Variants in RNF135 observed in about 807,000 individuals in gnomAD.
RNF135 encodes E3 ubiquitin-protein ligase RNF135.
In RNF135, 46 loss-of-function variants were observed where a neutral mutation model predicts 41.9. The observed-to-expected ratio is 1.10, with a 90% CI of 0.87 to 1.40. The LOEUF is 1.40. Ranked by LOEUF, RNF135 falls within the 40% of genes most tolerant of loss-of-function variation. The pLI, the probability that RNF135 is intolerant of heterozygous loss-of-function variation, is 0.00. For synonymous variants in RNF135, 238 were observed against 223.8 expected, an observed-to-expected ratio of 1.06 and a Z score of -0.57; for missense variants, 539 against 549.8, an observed-to-expected ratio of 0.98 and a Z score of 0.20.
At chr17:30,975,013 T>C (rs1326464648) in intron 1 of RNF135, among the ~76,000 whole-genome samples, 1 of 151,716 alleles carries the variant, frequency 6.6e-6, no homozygotes, top group Non-Finnish European at 1.5e-5. Context: ...TTCAGGCAGA[T>C]TGTCATGGCT....
chr17:30,963,372 G>A, the RNF135 span, among the ~76,000 whole-genome samples: 1 of 151,896 alleles, frequency 6.6e-6, no homozygotes, highest in African/African-American at 2.4e-5. Context: ...CACGACGTCA[G>A]GAGATCGAGA....
rs1851444804 is a variant in RNF135, at chr17:30,999,362, C to T, written c.*171C>T. On this transcript the variant is annotated 3_prime_UTR_variant, in exon 5 of 5. Transcript: ENST00000328381. ...TTCCTGGTCTCAAGCAGTCCTCCCA[C>T]CTCAGCCTCCCAAGGTGCTGGGATT... is the stretch of plus-strand genomic sequence containing the variant. The T allele has an allele frequency of 5.8e-6, 4 of 694,276 alleles. No homozygotes were observed. The highest frequency in any genetic ancestry group is 2.2e-5 in the Admixed American group (1 of 44,628). The allele number at this position is 694,276 out of a possible 1,614,324, so 43.0% of individuals were successfully genotyped here. A position where few individuals can be genotyped will look rare whatever the true frequency, so the allele number is the denominator to read the frequency against.
chr17:30,974,236 C>T (rs1598077523), intron 1 of RNF135, among the ~76,000 whole-genome samples: 1 of 152,094 alleles, frequency 6.6e-6, no homozygotes. Flanking sequence ...TCTGTACATT[C>T]CATTTTATTC....
chr17:30,979,831 G>A (rs1369306147), intron 1 of RNF135, among the ~76,000 whole-genome samples: 6 of 132,686 alleles, frequency 4.5e-5, no homozygotes, highest in African/African-American at 8.7e-5. Flanking sequence ...CCTCCCTCCC[G>A]GATGGGGCGG....
chr17:30,980,494 G>A (rs1368438716), intron 1 of RNF135, among the ~76,000 whole-genome samples: 4 of 128,532 alleles, frequency 3.1e-5, no homozygotes, highest in African/African-American at 5.7e-5. Flanking sequence ...CTGGCCGGGC[G>A]GGGGGCTGAC....
At chr17:30,981,371 G>GGAGAGGGAGAGC (rs1907143518) in intron 1 of RNF135, among the ~76,000 whole-genome samples, 1 of 151,750 alleles carries the variant, frequency 6.6e-6, no homozygotes, top group Non-Finnish European at 1.5e-5. Flanking sequence ...AGAGGGAGAG[G>GGAGAGGGAGAGC]GAGAGCGTGG....
intron 3 of RNF135, among the ~76,000 whole-genome samples, chr17:30,996,925 A>G (rs1483472555): frequency 1.3e-5 from 2 of 152,182 alleles, no homozygotes; most frequent in Non-Finnish European, 2.9e-5. Context: ...ATTTTATTTC[A>G]TGAGTGTGCA....
upstream of RNF135, chr17:30,970,425 A>G (rs7221238): frequency 0.13 from 20,503 of 152,716 alleles, 4,281 homozygotes; most frequent in African/African-American, 0.45. Context: ...CCTGCGAGTT[A>G]AAAAGCCAAG....
intron 1 of RNF135, among the ~76,000 whole-genome samples, chr17:30,974,597 T>G (rs1435423896): frequency 6.6e-6 from 1 of 151,820 alleles, no homozygotes; most frequent in Non-Finnish European, 1.5e-5. Context: ...GTGATTTTTT[T>G]TTTTGTAGTT....
intron 3 of RNF135, among the ~76,000 whole-genome samples, chr17:30,989,528 C>G (rs1375656115): frequency 6.6e-6 from 1 of 152,188 alleles, no homozygotes; most frequent in Non-Finnish European, 1.5e-5. Flanking sequence ...TGAAAAATAA[C>G]TAACACCTTC....
At chr17:30,977,869 T>G (rs539624890) in intron 1 of RNF135, among the ~76,000 whole-genome samples, 2 of 152,332 alleles carry the variant, frequency 1.3e-5, no homozygotes, top group African/African-American at 4.8e-5. Flanking sequence ...GCGCCTGGCC[T>G]TCTTTTCTTT....
rs954804589 is a variant in RNF135 at position 30,971,208 on chromosome 17, G to C, written c.135G>C (p.Leu45=). 3 of 1,522,194 alleles carry C rather than the reference G, an allele frequency of 2.0e-6. No homozygotes were observed. In the African/African-American group the frequency reaches 4.3e-5, roughly 22 times the overall value. The allele number at this position is 1,522,194 out of a possible 1,614,324, so 94.3% of individuals were successfully genotyped here. Residue 45 remains leucine (L), a synonymous_variant, in exon 1 of 5, where the codon CTG becomes CTC. Coordinates refer to ENST00000328381, the MANE Select transcript of RNF135 (RefSeq NM_032322.4). ...PCGHSFCRHC[L]EALWGARDAR... is the part of the protein sequence containing the mutation. ...GCCACAGCTTCTGCCGCCACTGCCT[G>C]GAGGCCCTGTGGGGCGCCCGCGACG... is the stretch of plus-strand genomic sequence containing the variant.
intron 1 of RNF135, among the ~76,000 whole-genome samples, chr17:30,983,353 ATTTTTTT>A (rs1192298651): frequency 5.6e-5 from 2 of 35,744 alleles, no homozygotes; most frequent in Non-Finnish European, 1.1e-4. Flanking sequence ...ATATATATAT[ATTTTTTT>A]TTTTTTTTTT....
At chr17:30,967,206 T>G (rs1437858091), upstream of RNF135, among the ~76,000 whole-genome samples, 2 of 152,082 alleles carry the variant, frequency 1.3e-5, no homozygotes, top group East Asian at 3.9e-4. Flanking sequence ...TTTTTGTATT[T>G]TTTGGTAGAG....
chr17:30,964,067 C>G, the RNF135 span, among the ~76,000 whole-genome samples: 1 of 152,018 alleles, frequency 6.6e-6, no homozygotes, highest in South Asian at 2.1e-4. Context: ...CGTCCCTTGA[C>G]AAAAAGTGCT....
chr17:30,996,118 TCTCA>T (rs1908339774), intron 3 of RNF135, among the ~76,000 whole-genome samples: 1 of 127,560 alleles, frequency 7.8e-6, no homozygotes, highest in African/African-American at 3.1e-5. Context: ...TGAGATGGAG[TCTCA>T]CTCTGTTTCC....
intron 1 of RNF135, among the ~76,000 whole-genome samples, chr17:30,982,266 G>A (rs1259192671): frequency 6.6e-6 from 1 of 152,226 alleles, no homozygotes; most frequent in Non-Finnish European, 1.5e-5. Flanking sequence ...GCCCACAGTG[G>A]AGAGGCTTGC....
At chr17:30,979,683 C>T (rs1906858454) in intron 1 of RNF135, among the ~76,000 whole-genome samples, 6 of 136,372 alleles carry the variant, frequency 4.4e-5, no homozygotes, top group South Asian at 2.3e-4. Context: ...ACCTCCCTCC[C>T]GGACGGGGCG....
intron 3 of RNF135, among the ~76,000 whole-genome samples, chr17:30,992,541 C>T (rs1908056619): frequency 6.6e-6 from 1 of 152,014 alleles, no homozygotes; most frequent in Non-Finnish European, 1.5e-5. Context: ...TCATGGCTCA[C>T]CCCAGCCTTG....
Sources: gnomAD v4.1 joint callset for allele counts (sites outside exome capture counted in the v4.1 genomes callset) on GRCh38, gnomAD v4.1.1 for gene constraint, MANE v1.5 for transcripts, NCBI Gene and HGNC (gene_info 2026-07-23, HGNC 2026-07-21) for gene names.